Variants in AIDA observed in about 807,000 individuals in gnomAD.
The protein encoded by AIDA is axin interactor, dorsalization associated, also known as axin interactor, dorsalization-associated protein.
In AIDA, 18 loss-of-function variants were observed where a neutral mutation model predicts 42.7. That is an observed-to-expected ratio of 0.42 (90% CI 0.29 to 0.63). The LOEUF (loss-of-function observed/expected upper bound fraction) is 0.63, where lower values mean the gene tolerates loss of function less well. AIDA is among the 20% of genes least tolerant of loss of function. The pLI is 0.19. For missense variants in AIDA, 250 were observed against 354.1 expected, an observed-to-expected ratio of 0.71 and a Z score of 2.36; for synonymous variants, 104 against 122.9, an observed-to-expected ratio of 0.85 and a Z score of 1.02.
At chr1:222,673,860 G>C (rs1373516559) in intron 7 of AIDA, among the ~76,000 whole-genome samples, 1 of 151,800 alleles carries the variant, frequency 6.6e-6, no homozygotes, top group Non-Finnish European at 1.5e-5. Flanking sequence ...GAGGCGGGTG[G>C]ATCACTTAAG....
At chr1:222,683,289 A>C (rs1219360541) in intron 6 of AIDA, among the ~76,000 whole-genome samples, 1 of 152,192 alleles carries the variant, frequency 6.6e-6, no homozygotes, top group African/African-American at 2.4e-5. Context: ...GAAAGCCCTG[A>C]TAGTCACAGG....
intron 1 of AIDA, among the ~76,000 whole-genome samples, chr1:222,709,068 C>G (rs1270103874): frequency 6.6e-6 from 1 of 152,202 alleles, no homozygotes; most frequent in African/African-American, 2.4e-5. Context: ...TAAGCCCATA[C>G]TTTACCCTCA....
intron 4 of AIDA, among the ~76,000 whole-genome samples, chr1:222,689,458 A>C (rs1374723410): frequency 7.4e-6 from 1 of 135,960 alleles, no homozygotes; most frequent in East Asian, 2.2e-4. Flanking sequence ...TCAAGAAAAA[A>C]GAAAATATGT....
At chr1:222,694,967 C>A (rs551584215) in intron 2 of AIDA, among the ~76,000 whole-genome samples, 1 of 152,178 alleles carries the variant, frequency 6.6e-6, no homozygotes, top group African/African-American at 2.4e-5. Flanking sequence ...CAAGCCCCAA[C>A]GACCAGGAGG....
rs550920068 is a variant in AIDA, at chr1:222,684,095, C to T, written c.460+2835G>A. Among the ~76,000 whole-genome samples the T allele has an allele frequency of 2.6e-5, 4 of 151,952 alleles. No homozygotes were observed. In the South Asian group the frequency reaches 8.3e-4, roughly 32 times the overall value. On this transcript the variant is annotated intron_variant, in intron 6 of 9. Transcript: ENST00000340020. The stretch of plus-strand genomic sequence containing the variant: ...AGTTGGTCAAAACTCATTAAAGGTA[C>T]ATATTAAAAAGAATGAATTTCTTTT...
At chr1:222,670,806 T>C (rs1007309884) in intron 8 of AIDA, among the ~76,000 whole-genome samples, 1 of 152,198 alleles carries the variant, frequency 6.6e-6, no homozygotes, top group African/African-American at 2.4e-5. Flanking sequence ...AGCACTGCTG[T>C]GATGTTTTTC....
At chr1:222,699,047 G>A (rs547844446) in intron 2 of AIDA, among the ~76,000 whole-genome samples, 3 of 152,100 alleles carry the variant, frequency 2.0e-5, no homozygotes, top group South Asian at 2.1e-4. Flanking sequence ...GGACAGTCTC[G>A]ATCTCCTGAC....
intron 6 of AIDA, among the ~76,000 whole-genome samples, chr1:222,678,999 C>G (rs1354603258): frequency 1.3e-5 from 2 of 152,242 alleles, no homozygotes; most frequent in East Asian, 3.9e-4. Context: ...ATTGTTTTCA[C>G]TAGTAATAAA....
Position 222,703,183 on chromosome 1 carries a change from G to A in AIDA, c.145C>T (p.Gln49Ter), listed in dbSNP as rs754402624. The change falls in exon 2 of 10, where the codon CAA (glutamine) becomes TAA (stop). Residue 49 changes from glutamine (Q) to a stop codon, truncating the protein, a stop_gained. Coordinates refer to ENST00000340020, the MANE Select transcript of AIDA (RefSeq NM_022831.4). LOFTEE classifies it high-confidence loss of function. ...TCTGTGAATTCAGAATTATTGTGTT[G>A]AGCTTGGGCCTCCTTTTGTAGATGT... ...ARHLQKEAQA[Q>*]HNNSEFTEEQ... The A allele has an allele frequency of 1.2e-6, 2 of 1,609,952 alleles. No homozygotes were observed. Among genetic ancestry groups the A allele is most frequent in the Non-Finnish European group, 8.5e-7 (1 of 1,178,604 alleles).
chr1:222,689,616 C>T (rs937051949), intron 4 of AIDA, among the ~76,000 whole-genome samples: 7 of 142,242 alleles, frequency 4.9e-5, no homozygotes, highest in African/African-American at 1.5e-4. Context: ...CACACACACA[C>T]GTATATATAT....
intron 4 of AIDA, 119 bp from the exon 5 acceptor site, chr1:222,687,777 CCT>C: frequency 1.3e-6 from 1 of 769,830 alleles, no homozygotes; most frequent in South Asian, 2.3e-5. Flanking sequence ...AAATTCCCAG[CCT>C]TACCACCATT....
At chr1:222,678,945 G>A (rs946507858) in intron 6 of AIDA, among the ~76,000 whole-genome samples, 33 of 152,022 alleles carry the variant, frequency 2.2e-4, no homozygotes, top group Non-Finnish European at 4.4e-5. Context: ...TGTCTTACAT[G>A]GTGAGCATCC....
At chr1:222,689,602 T>C (rs928524622) in intron 4 of AIDA, among the ~76,000 whole-genome samples, 9 of 141,452 alleles carry the variant, frequency 6.4e-5, no homozygotes, top group Admixed American at 3.6e-4. Context: ...CACATATATA[T>C]ACACACACAC....
At chr1:222,706,170 T>A (rs1299744806) in intron 1 of AIDA, among the ~76,000 whole-genome samples, 2 of 152,048 alleles carry the variant, frequency 1.3e-5, no homozygotes, top group East Asian at 3.8e-4. Flanking sequence ...CAAAAGACAA[T>A]AACAAATGCT....
At chr1:222,704,619 C>CA (rs1186111483) in intron 1 of AIDA, among the ~76,000 whole-genome samples, 1 of 151,924 alleles carries the variant, frequency 6.6e-6, no homozygotes, top group Non-Finnish European at 1.5e-5. Flanking sequence ...TCCACAGAGA[C>CA]AAAAAGCAGA....
At chr1:222,685,694 G>C (rs560119909) in intron 6 of AIDA, among the ~76,000 whole-genome samples, 1 of 152,082 alleles carries the variant, frequency 6.6e-6, no homozygotes, top group Admixed American at 6.6e-5. Context: ...ATTTACCCAG[G>C]GTGCTTGCCA....
intron 1 of AIDA, among the ~76,000 whole-genome samples, chr1:222,706,954 G>A (rs1040594695): frequency 2.6e-5 from 4 of 151,818 alleles, no homozygotes; most frequent in Non-Finnish European, 4.4e-5. Flanking sequence ...TAGATCAGTG[G>A]TAGTCTGTTG....
intron 1 of AIDA, among the ~76,000 whole-genome samples, chr1:222,709,303 C>T (rs1029346855): frequency 6.6e-6 from 1 of 151,902 alleles, no homozygotes; most frequent in Non-Finnish European, 1.5e-5. Context: ...TGGTAGTGCG[C>T]GCCTGTAATC....
intron 8 of AIDA, among the ~76,000 whole-genome samples, chr1:222,671,230 A>G (rs996907502): frequency 6.6e-6 from 1 of 152,176 alleles, no homozygotes; most frequent in Non-Finnish European, 1.5e-5. Context: ...TCTGTCTCAA[A>G]AAAAGAAAAA....
Sources: allele counts gnomAD v4.1 joint callset (sites outside exome capture counted in the v4.1 genomes callset), GRCh38; gene constraint gnomAD v4.1.1; transcripts MANE v1.5; gene names NCBI Gene and HGNC (gene_info 2026-07-23, HGNC 2026-07-21).